The following MFRP variants were observed in gnomAD, a reference collection of about 807,000 sequenced individuals.
MFRP encodes membrane frizzled-related protein, also known as C1q and TNF related 5.
Under a neutral mutation model 65.8 loss-of-function variants are expected in MFRP, and 74 were observed. The ratio of observed to expected loss-of-function variants is 1.12; its 90% CI spans 0.93 to 1.36. The LOEUF (loss-of-function observed/expected upper bound fraction) is 1.36. Ranked by LOEUF, MFRP falls within the 40% of genes most tolerant of loss-of-function variation. The pLI, the probability that MFRP is intolerant of heterozygous loss-of-function variation, is 0.00. For missense variants in MFRP, 838 were observed against 736.0 expected (o/e 1.14, Z -1.60); for synonymous variants, 336 against 288.3 (o/e 1.17, Z -1.68).
chr11:119,341,622 G>GT lies in MFRP; in HGVS notation c.1665dup (p.Leu556ThrfsTer17), dbSNP rs766376249. On this transcript the variant is annotated frameshift_variant, in exon 13 of 15. Transcript: ENST00000619721. LOFTEE classifies it high-confidence loss of function. ...CAGTTGAAGGGCCAGGGGGTGCCCA[G>GT]TAGTGCCAGGCCAGACTGGCACTGG... The GT allele has an allele frequency of 6.2e-7, 1 of 1,612,968 alleles. No individual in the cohort carries two copies. Among genetic ancestry groups the GT allele is most frequent in the Non-Finnish European group, 8.5e-7 (1 of 1,180,010 alleles).
In MFRP at chr11:119,343,071, CA is replaced by C. The variant is rs1351071642; in HGVS notation, c.1125-69del. ...ACTGAGGGGGCACTGCAGCCTCCCA[CA>C]GGCCTGGCTCTGAGCTGGGAGCCCT... On this transcript the variant is annotated intron_variant, in intron 9 of 14. Transcript: ENST00000619721. 3.9e-6 allele frequency: 6 copies of C among 1,543,706 alleles called. No individual in the cohort carries two copies. In the African/African-American group the frequency reaches 8.2e-5, roughly 21 times the overall value.
In MFRP at chr11:119,339,044, A is replaced by AC. The variant is rs1950468345; in HGVS notation, c.*1914dup. The AC allele has an allele frequency of 2.6e-6, 1 of 382,016 alleles. No individual in the cohort carries two copies. The allele number at this position is 382,016 out of a possible 1,614,324, so 23.7% of individuals were successfully genotyped here. A position where few individuals can be genotyped will look rare whatever the true frequency, so the allele number is the denominator to read the frequency against. Reference sequence around the variant, plus strand: ...AGAAGCAGAGGACCAGGAAGAGAGCACCCCACCGTGGGCTCCTGGACCAGA... The same window carrying AC: ...AGAAGCAGAGGACCAGGAAGAGAGCACCCCCACCGTGGGCTCCTGGACCAGA... On this transcript the variant is annotated 3_prime_UTR_variant, in exon 15 of 15. Transcript: ENST00000619721. The surrounding 1 kb of genome is among the most constrained non-coding windows in gnomAD (Gnocchi z 5.4).
intron 8 of MFRP, 142 bp from the exon 9 acceptor site, chr11:119,344,106 T>C: frequency 8.5e-7 from 1 of 1,177,702 alleles, no homozygotes; most frequent in Non-Finnish European, 1.2e-6. Context: ...GACCTTTAAT[T>C]TACCTGGTTT....
In MFRP at chr11:119,343,975, G is replaced by A. The variant is rs779634877; in HGVS notation, c.976-11C>T. On this transcript the variant is annotated splice_polypyrimidine_tract_variant and intron_variant, in intron 8 of 14. Coordinates refer to ENST00000619721, the MANE Select transcript of MFRP (RefSeq NM_031433.4). Reference sequence around the variant, plus strand: ...ATGCCAGGTGCAGAGCTGGGGGAGGGCATAGGTGGAGCAATTCATGGCCCC... The same window carrying A: ...ATGCCAGGTGCAGAGCTGGGGGAGGACATAGGTGGAGCAATTCATGGCCCC... The A allele has an allele frequency of 1.9e-6, 3 of 1,611,472 alleles. No homozygotes were observed. The highest frequency in any genetic ancestry group is 1.7e-5 in the Admixed American group (1 of 59,990).
chr11:119,344,394 G>A lies in MFRP; in HGVS notation c.899-3C>T. On this transcript the variant is annotated splice_polypyrimidine_tract_variant and splice_region_variant and intron_variant, in intron 7 of 14. Coordinates refer to ENST00000619721, the MANE Select transcript of MFRP (RefSeq NM_031433.4). ...GCCAGTCAGATTCCCCCCACACCCT[G>A]TAGAGAGGTGGAAGGGCTCATGAGT... 6.2e-7 allele frequency: 1 copy of A among 1,613,218 alleles called. No homozygotes were observed. The highest frequency in any genetic ancestry group is 8.5e-7 in the Non-Finnish European group (1 of 1,179,522).
In MFRP at chr11:119,345,758, G is replaced by A; in HGVS notation, c.427+15C>T. On this transcript the variant is annotated intron_variant, in intron 4 of 14. Coordinates refer to ENST00000619721, the MANE Select transcript of MFRP (RefSeq NM_031433.4). The stretch of plus-strand genomic sequence containing the variant: ...CTTGGGCCCTTCTCCCGGAAGATCT[G>A]CCCCCAGTACTCACTGGACTGTGGG... 6.2e-7 allele frequency: 1 copy of A among 1,613,348 alleles called. No homozygotes were observed.
Position 119,341,217 on chromosome 11 carries a change from T to G in MFRP, c.*331A>C. 2.6e-6 allele frequency: 1 copy of G among 378,460 alleles called. No homozygotes were observed. Among genetic ancestry groups the G allele is most frequent in the Non-Finnish European group, 4.9e-6 (1 of 202,734 alleles). 23.4% of individuals were successfully genotyped at this position (378,460 alleles called of 1,614,324 possible). ...TGAATAGATGCTCAGTACATTTTTG[T>G]TGAATCAAGGAAAAGGTCAGAAGGC... On this transcript the variant is annotated 3_prime_UTR_variant, in exon 13 of 15. Transcript: ENST00000619721.
At position 119,343,809 on chromosome 11, in the gene MFRP, C is replaced by T; in HGVS notation, c.1124+7G>A. The T allele has an allele frequency of 6.2e-7, 1 of 1,613,812 alleles. No individual in the cohort carries two copies. Among genetic ancestry groups the T allele is most frequent in the Non-Finnish European group, 8.5e-7 (1 of 1,180,006 alleles). On this transcript the variant is annotated splice_region_variant and intron_variant, in intron 9 of 14. Coordinates refer to ENST00000619721, the MANE Select transcript of MFRP (RefSeq NM_031433.4). ...AGTTATCCATGGCTCTTCCCTGGCT[C>T]CTGTACCTGCCCAGGAGGCTGAAGG...
Position 119,346,695 on chromosome 11 carries a change from T to C in MFRP, c.-182A>G. 1.5e-6 allele frequency: 1 copy of C among 664,572 alleles called. No individual in the cohort carries two copies. Among genetic ancestry groups the C allele is most frequent in the Admixed American group, 2.2e-5 (1 of 45,326 alleles). 41.2% of individuals were successfully genotyped at this position (664,572 alleles called of 1,614,324 possible). On this transcript the variant is annotated 5_prime_UTR_variant, in exon 1 of 15. Transcript: ENST00000619721. ...GAGTGGTTTGGCCTATGGGCTACTC[T>C]GTCTCTGTGTGGGGGAAGGGATGGC...
intron 5 of MFRP, 77 bp downstream of exon 5, chr11:119,345,343 C>T: frequency 3.4e-6 from 5 of 1,461,852 alleles, no homozygotes; most frequent in Middle Eastern, 1.8e-4. Flanking sequence ...TAGCCCTTCT[C>T]CCTGCCACTC....
intron 9 of MFRP, among the ~76,000 whole-genome samples, chr11:119,343,383 G>A (rs1950523087): frequency 1.3e-5 from 2 of 152,216 alleles, no homozygotes; most frequent in Non-Finnish European, 2.9e-5. Context: ...TGGGCGTGGT[G>A]GCATGTGCCT....
Position 119,342,626 on chromosome 11 carries a change from TGTC to T in MFRP, c.1354_1356del (p.Asp452del). The T allele has an allele frequency of 6.2e-7, 1 of 1,613,520 alleles. No individual in the cohort carries two copies. ...GGTGGGAACAAGGGGCCGCTGCAGT[TGTC>T]ATCGCTGCCATCGGTGCAGTCTCTC... On this transcript the variant is annotated inframe_deletion, in exon 11 of 15. Transcript: ENST00000619721.
chr11:119,341,416 T>A lies in MFRP; in HGVS notation c.*132A>T. The A allele has an allele frequency of 1.3e-6, 1 of 745,792 alleles. No homozygotes were observed. The allele number at this position is 745,792 out of a possible 1,614,324, so 46.2% of individuals were successfully genotyped here. A position where few individuals can be genotyped will look rare whatever the true frequency, so the allele number is the denominator to read the frequency against. The stretch of plus-strand genomic sequence containing the variant: ...CATGAGCCCCAGCTGAGGACTTCTC[T>A]TCCCCCTCCCTGGGAGCCCCAGAGA... On this transcript the variant is annotated 3_prime_UTR_variant, in exon 13 of 15. Coordinates refer to ENST00000619721, the MANE Select transcript of MFRP (RefSeq NM_031433.4).
At position 119,339,896 on chromosome 11, in the gene MFRP, C is replaced by T. The variant is rs1342404878; in HGVS notation, c.*1111-48G>A. ...GGGTGAGAGTAGCGGCGGCTCAGCC[C>T]GCAGCGGGGCGGCGACTCTAAGGTC... On this transcript the variant is annotated intron_variant, in intron 14 of 14. Coordinates refer to ENST00000619721, the MANE Select transcript of MFRP (RefSeq NM_031433.4). The surrounding 1 kb of genome is among the most constrained non-coding windows in gnomAD (Gnocchi z 5.4). 2.8e-6 allele frequency: 4 copies of T among 1,431,326 alleles called. No homozygotes were observed. Among genetic ancestry groups the T allele is most frequent in the African/African-American group, 2.9e-5 (2 of 68,334 alleles). The allele number at this position is 1,431,326 out of a possible 1,614,324, so 88.7% of individuals were successfully genotyped here.
In MFRP at chr11:119,339,864, G is replaced by A; in HGVS notation, c.*1111-16C>T. 6.9e-7 allele frequency: 1 copy of A among 1,459,392 alleles called. No homozygotes were observed. 90.4% of individuals were successfully genotyped at this position (1,459,392 alleles called of 1,614,324 possible). A position where few individuals can be genotyped will look rare whatever the true frequency, so the allele number is the denominator to read the frequency against. ...CCCGGCAGTCCTGCGGGGTAAGCGG[G>A]GCGGCAGGGTGAGAGTAGCGGCGGC... is the stretch of plus-strand genomic sequence containing the variant. On this transcript the variant is annotated splice_polypyrimidine_tract_variant and intron_variant, in intron 14 of 14. Transcript: ENST00000619721. This position sits in a 1 kb window ranked among gnomAD's most constrained non-coding sequence, Gnocchi z 5.4.
At position 119,341,879 on chromosome 11, in the gene MFRP, A is replaced by G. The variant is rs143455110; in HGVS notation, c.1493T>C (p.Val498Ala). 5.5e-5 allele frequency: 88 copies of G among 1,613,540 alleles called. No individual in the cohort carries two copies. Among genetic ancestry groups the G allele is most frequent in the Admixed American group, 2.7e-4 (16 of 59,968 alleles). The change falls in exon 12 of 15, where the codon GTA becomes GCA. Residue 498 changes from valine (V) to alanine (A), a missense_variant. Physicochemically the swap from Val to Ala is moderately conservative, Grantham distance 64. Transcript: ENST00000619721. ...GACCTTGTAACCGCTGAGGACCTCT[A>G]CCACCTCCTCCTGGGTGATCATGCC... is the stretch of plus-strand genomic sequence containing the variant. ...WVGMITQEEVVEVLSGYKSLT... is the reference protein window; with the variant it reads ...WVGMITQEEVAEVLSGYKSLT...
Position 119,345,568 on chromosome 11 carries a change from G to A in MFRP, c.493C>T (p.Pro165Ser), listed in dbSNP as rs201553042. Residue 165 changes from proline (P) to serine (S), a missense_variant, in exon 5 of 15, where the codon CCC (proline) becomes TCC (serine). Transcript: ENST00000619721. ...TGCCACACGCAGTGGGTGTTGGGGG[G>A]GTAAGGGTCTGGGTAGTTAGGGCTG... ...FSSPNYPDPYPPNTHCVWHIQ... is the reference protein window; with the variant it reads ...FSSPNYPDPYSPNTHCVWHIQ... 9.9e-5 allele frequency: 160 copies of A among 1,613,908 alleles called. No homozygotes were observed. Among genetic ancestry groups the A allele is most frequent in the Non-Finnish European group, 1.3e-4 (150 of 1,180,028 alleles).
chr11:119,342,594 AC>A lies in MFRP; in HGVS notation c.1387+1del. 1 of 1,612,794 alleles carries A rather than the reference AC, an allele frequency of 6.2e-7. No homozygotes were observed. Among genetic ancestry groups the A allele is most frequent in the Non-Finnish European group, 8.5e-7 (1 of 1,179,742 alleles). On this transcript the variant is annotated splice_donor_variant, in intron 11 of 14. Coordinates refer to ENST00000619721, the MANE Select transcript of MFRP (RefSeq NM_031433.4). LOFTEE classifies it high-confidence loss of function. The stretch of plus-strand genomic sequence containing the variant: ...CAGGGTCCCCAGGGGCAGGCTTCTC[AC>A]CTGGGGGTGGGAACAAGGGGCCGCT...
chr11:119,344,940 C>T lies in MFRP; in HGVS notation c.706G>A (p.Val236Ile), dbSNP rs147276252. The change falls in exon 6 of 15, where the codon GTC (valine) becomes ATC (isoleucine). Residue 236 changes from valine to isoleucine, a missense_variant. Coordinates refer to ENST00000619721, the MANE Select transcript of MFRP (RefSeq NM_031433.4). The stretch of plus-strand genomic sequence containing the variant: ...AATCCTTCCACACTGCTGTCAGAGA[C>T]GAAGACCACCAGGAGGTGGCTGGCA... The part of the protein sequence containing the change: ...TNASHLLVVF[V>I]SDSSVEGFGF... 182 of 1,610,620 alleles carry T rather than the reference C, an allele frequency of 1.1e-4. No homozygotes were observed. The highest frequency in any genetic ancestry group is 1.4e-4 in the Non-Finnish European group (166 of 1,178,922).
Sources: gnomAD v4.1 joint callset for allele counts (sites outside exome capture counted in the v4.1 genomes callset) on GRCh38, gnomAD v4.1.1 for gene constraint, Gnocchi (gnomAD v3.1) non-coding constraint, MANE v1.5 for transcripts, NCBI Gene and HGNC (gene_info 2026-07-23, HGNC 2026-07-21) for gene names.